The following LAMA1 variants were observed in gnomAD, a reference collection of about 807,000 sequenced individuals.
The protein encoded by LAMA1 is laminin subunit alpha 1, also known as laminin subunit alpha-1.
In LAMA1, 219 loss-of-function variants were observed where a neutral mutation model predicts 348.7. The observed-to-expected ratio is 0.63, with a 90% CI of 0.56 to 0.70. The LOEUF is 0.70. Among genes scored for constraint, LAMA1 ranks in the 30% least tolerant of loss-of-function variants. The pLI is 0.00. For missense variants in LAMA1, 3,744 were observed against 3,888.0 expected, an observed-to-expected ratio of 0.96 and a Z score of 0.99; for synonymous variants, 1,487 against 1,491.0, an observed-to-expected ratio of 1.00 and a Z score of 0.06.
chr18:7,085,662 C>T (rs1164913325), intron 1 of LAMA1, among the ~76,000 whole-genome samples: 4 of 152,116 alleles, frequency 2.6e-5, no homozygotes, highest in Non-Finnish European at 5.9e-5. Context: ...TCCTGATCCG[C>T]CCGCCTCAGC....
chr18:6,956,820 G>A (rs1023394751), intron 55 of LAMA1, 55 bp from the exon 56 acceptor site: 13 of 1,582,364 alleles, frequency 8.2e-6, no homozygotes, highest in Non-Finnish European at 1.0e-5. Flanking sequence ...ACCAGTCCAT[G>A]AACCCAAGTC....
In LAMA1 at chr18:6,943,249, C is replaced by A; in HGVS notation, c.8998G>T (p.Ala3000Ser). The A allele has an allele frequency of 6.2e-7, 1 of 1,614,170 alleles. No homozygotes were observed. Among genetic ancestry groups the A allele is most frequent in the Middle Eastern group, 1.6e-4 (1 of 6,062 alleles). ...TLIVDGNAVG[A>S]ESPHTQSTSV... is the part of the protein sequence containing the mutation. ...GTAGACTGGGTGTGTGGACTTTCAG[C>A]GCCAACTGCGTTCCCGTCAACAATC... Residue 3000 changes from alanine to serine, a missense_variant, in exon 62 of 63, where the codon GCT (alanine) becomes TCT (serine). Ala to Ser is a moderately conservative substitution (Grantham distance 99, BLOSUM62 1). Around this residue, in one of 3 missense-constraint regions of LAMA1, gnomAD observed 232 missense variants for 264.4 expected, o/e 0.88. Transcript: ENST00000389658.
chr18:7,060,406 T>C (rs2058097986), intron 3 of LAMA1, among the ~76,000 whole-genome samples: 1 of 152,198 alleles, frequency 6.6e-6, no homozygotes, highest in Non-Finnish European at 1.5e-5. Flanking sequence ...CAAAACAAAA[T>C]ATGTCCTTGT....
chr18:7,088,202 G>A (rs1011591758), intron 1 of LAMA1, among the ~76,000 whole-genome samples: 2 of 152,142 alleles, frequency 1.3e-5, no homozygotes, highest in African/African-American at 4.8e-5. Context: ...CTCATAGCAC[G>A]ATTCGCCCGT....
At chr18:6,953,821 GTGC>G (rs1433035952) in intron 57 of LAMA1, 3 of 152,398 alleles carry the variant, frequency 2.0e-5, no homozygotes, top group Admixed American at 1.3e-4. Context: ...CGGCATCTGT[GTGC>G]TGGTCTGTGA....
intron 42 of LAMA1, among the ~76,000 whole-genome samples, chr18:6,979,749 A>T (rs554272745): frequency 6.6e-6 from 1 of 151,780 alleles, no homozygotes; most frequent in African/African-American, 2.4e-5. Context: ...AATACAAAAA[A>T]TTAGCCGGGG....
At chr18:6,956,440 T>C (rs480959) in intron 56 of LAMA1, 196 bp downstream of exon 56, 39 of 812,532 alleles carry the variant, frequency 4.8e-5, no homozygotes, top group Non-Finnish European at 7.7e-5. Flanking sequence ...ATCTATGGAT[T>C]GGGCCGTGTC....
At position 7,007,291 on chromosome 18, in the gene LAMA1, A is replaced by G; in HGVS notation, c.4123-15T>C. On this transcript the variant is annotated splice_polypyrimidine_tract_variant and intron_variant, in intron 28 of 62. Coordinates refer to ENST00000389658, the MANE Select transcript of LAMA1 (RefSeq NM_005559.4). ...GGGGCGCAGTCCTGAGGGGGTGCAA[A>G]AGGGAGGACAAAAAAGTCTGATTAA... 6.2e-7 allele frequency: 1 copy of G among 1,611,258 alleles called. No homozygotes were observed. The highest frequency in any genetic ancestry group is 8.5e-7 in the Non-Finnish European group (1 of 1,178,244).
At chr18:7,077,065 T>A (rs1034001783) in intron 3 of LAMA1, among the ~76,000 whole-genome samples, 9 of 152,230 alleles carry the variant, frequency 5.9e-5, no homozygotes, top group African/African-American at 1.9e-4. Flanking sequence ...AGAATTTTTA[T>A]ACTGTGTAAA....
chr18:7,049,986 G>A (rs1413842987), intron 4 of LAMA1, among the ~76,000 whole-genome samples: 1 of 152,144 alleles, frequency 6.6e-6, no homozygotes, highest in Non-Finnish European at 1.5e-5. Flanking sequence ...TAAGAAGACC[G>A]TTTCTCTCCA....
chr18:6,994,557 G>A (rs763050331), intron 34 of LAMA1, among the ~76,000 whole-genome samples: 2 of 151,890 alleles, frequency 1.3e-5, no homozygotes, highest in African/African-American at 2.4e-5. Flanking sequence ...CCAAAACATC[G>A]TTAATTCTAA....
chr18:7,036,037 C>T lies in LAMA1; in HGVS notation c.1789G>A (p.Val597Ile), dbSNP rs140625362. The change falls in exon 13 of 63, where the codon GTA becomes ATA. Residue 597 changes from valine to isoleucine, a missense_variant. Val to Ile is a conservative substitution (Grantham distance 29, BLOSUM62 3). This residue lies in a region of LAMA1 where 1,529 missense variants were observed against 1,689.4 expected (regional missense o/e 0.91). Transcript: ENST00000389658. ...ATGAGGTTACTGTCTACCGTCTCTA[C>T]CGGAATATCGTAGGACACCGTGTAT... ...LKYTVSYDIP[V>I]ETVDSNLMSH... 2 of 1,614,222 alleles carry T rather than the reference C, an allele frequency of 1.2e-6. No individual in the cohort carries two copies. The highest frequency in any genetic ancestry group is 4.5e-5 in the East Asian group (2 of 44,884).
chr18:6,988,260 A>G (rs2057744046), intron 36 of LAMA1, among the ~76,000 whole-genome samples: 1 of 152,252 alleles, frequency 6.6e-6, no homozygotes, highest in Non-Finnish European at 1.5e-5. Flanking sequence ...TCAGCACTTC[A>G]TTAGCTTCTT....
chr18:6,973,953 A>T (rs2144033161), intron 46 of LAMA1, among the ~76,000 whole-genome samples: 1 of 152,072 alleles, frequency 6.6e-6, no homozygotes, highest in South Asian at 2.1e-4. Context: ...ATAAATTTTT[A>T]ACTTTTTTTT....
In LAMA1 at chr18:7,012,023, G is replaced by T; in HGVS notation, c.3479C>A (p.Ser1160Ter). 1 of 1,609,838 alleles carries T rather than the reference G, an allele frequency of 6.2e-7. No individual in the cohort carries two copies. Among genetic ancestry groups the T allele is most frequent in the Non-Finnish European group, 8.5e-7 (1 of 1,177,820 alleles). The change falls in exon 24 of 63, where the codon TCA becomes TAA. Residue 1160 changes from serine to a stop codon, truncating the protein, a stop_gained. Coordinates refer to ENST00000389658, the MANE Select transcript of LAMA1 (RefSeq NM_005559.4). LOFTEE classifies it high-confidence loss of function. ...GGTCCTCACGTAGTCCTCCAGCTCT[G>T]AGCAGAGGTGGGACAGCCCGGAGCA... ...CFCSGLSHLCSELEDYVRTPV... is the reference protein window; with the variant it reads ...CFCSGLSHLC
chr18:7,088,467 T>C (rs995181447), intron 1 of LAMA1, among the ~76,000 whole-genome samples: 3 of 152,160 alleles, frequency 2.0e-5, no homozygotes, highest in Non-Finnish European at 2.9e-5. Context: ...AATTTCAACA[T>C]ACTTGGCTTT....
rs753451464 is a variant in LAMA1 at position 7,046,378 on chromosome 18, A to G, written c.769-11T>C. Reference sequence around the variant, plus strand: ...TATTGAATAATAATACTAAGGAAAAAGAAAGTTATGAACAAAAATTAAAAC... The same window carrying G: ...TATTGAATAATAATACTAAGGAAAAGGAAAGTTATGAACAAAAATTAAAAC... On this transcript the variant is annotated splice_polypyrimidine_tract_variant and intron_variant, in intron 5 of 62. Transcript: ENST00000389658. 4.6e-6 allele frequency: 7 copies of G among 1,523,870 alleles called. No homozygotes were observed. The highest frequency in any genetic ancestry group is 2.3e-5 in the East Asian group (1 of 44,326). The allele number at this position is 1,523,870 out of a possible 1,614,324, so 94.4% of individuals were successfully genotyped here. A position where few individuals can be genotyped will look rare whatever the true frequency, so the allele number is the denominator to read the frequency against.
intron 16 of LAMA1, among the ~76,000 whole-genome samples, chr18:7,028,719 C>A (rs765544744): frequency 6.6e-6 from 1 of 152,206 alleles, no homozygotes; most frequent in Admixed American, 6.5e-5. Context: ...ACCTTCCCCC[C>A]CTCATTTAAA....
intron 55 of LAMA1, among the ~76,000 whole-genome samples, chr18:6,957,665 T>C (rs2057586141): frequency 1.3e-5 from 2 of 152,188 alleles, no homozygotes; most frequent in Non-Finnish European, 2.9e-5. Context: ...GCACAGCTTG[T>C]GTCCCATCAG....
Sources: gnomAD v4.1 joint callset for allele counts (sites outside exome capture counted in the v4.1 genomes callset) on GRCh38, gnomAD v4.1.1 for gene constraint, gnomAD v4.1.1 regional missense constraint, MANE v1.5 for transcripts, NCBI Gene and HGNC (gene_info 2026-07-23, HGNC 2026-07-21) for gene names.